Variants in LPO observed in about 807,000 individuals in gnomAD.
LPO encodes salivary peroxidase.
In LPO, 70 loss-of-function variants were observed where a neutral mutation model predicts 68.4. The ratio of observed to expected loss-of-function variants is 1.02; its 90% CI spans 0.84 to 1.25. The LOEUF is 1.25. LPO is among the 50% of genes most tolerant of loss of function. The pLI, the probability that LPO is intolerant of heterozygous loss-of-function variation, is 0.00. For synonymous variants in LPO, 360 were observed against 357.6 expected, an observed-to-expected ratio of 1.01 and a Z score of -0.08; for missense variants, 873 against 908.4, an observed-to-expected ratio of 0.96 and a Z score of 0.50.
chr17:58,265,496 C>T (rs1198592290), intron 10 of LPO, among the ~76,000 whole-genome samples: 1 of 151,542 alleles, frequency 6.6e-6, no homozygotes, highest in Non-Finnish European at 1.5e-5. Context: ...TATGCAACCT[C>T]TTCCCATTAT....
Position 58,268,190 on chromosome 17 carries a change from C to T in LPO, c.*196C>T, listed in dbSNP as rs950015918. 1.7e-5 allele frequency: 10 copies of T among 593,878 alleles called. No individual in the cohort carries two copies. The highest frequency in any genetic ancestry group is 1.7e-4 in the African/African-American group (9 of 53,670). 36.8% of individuals were successfully genotyped at this position (593,878 alleles called of 1,614,324 possible). ...CCCTCCCAGCTCTTACACTCAGCTC[C>T]AGTGGCTTCTCCTTTCTGTCAAGAC... On this transcript the variant is annotated 3_prime_UTR_variant, in exon 13 of 13. Transcript: ENST00000262290.
chr17:58,241,546 G>A (rs1437740656), intron 1 of LPO, among the ~76,000 whole-genome samples: 1 of 152,152 alleles, frequency 6.6e-6, no homozygotes, highest in Non-Finnish European at 1.5e-5. Context: ...TGCAAAATAT[G>A]GTGACAGAGG....
chr17:58,239,680 G>A (rs1969719169), intron 1 of LPO, among the ~76,000 whole-genome samples: 2 of 152,022 alleles, frequency 1.3e-5, no homozygotes, highest in South Asian at 4.1e-4. Flanking sequence ...ACTGCTCAGC[G>A]ACATTGAGAA....
Position 58,252,452 on chromosome 17 carries a change from C to G in LPO, c.1051C>G (p.Pro351Ala), listed in dbSNP as rs751513712. ...LPYLPYDSKKPSPCEFINTTA... is the reference protein window; with the variant it reads ...LPYLPYDSKKASPCEFINTTA... ...CTACCTGCCCTATGACAGCAAGAAGCCAAGCCCCTGTGAGTTCATCAACAC... is the reference window on the plus strand; with the variant it reads ...CTACCTGCCCTATGACAGCAAGAAGGCAAGCCCCTGTGAGTTCATCAACAC... The change falls in exon 8 of 13, where the codon CCA (proline) becomes GCA (alanine). Residue 351 changes from proline (P) to alanine (A), a missense_variant. Transcript: ENST00000262290. The G allele has an allele frequency of 1.2e-6, 2 of 1,614,062 alleles. No individual in the cohort carries two copies. Among genetic ancestry groups the G allele is most frequent in the Non-Finnish European group, 1.7e-6 (2 of 1,180,036 alleles).
intron 1 of LPO, among the ~76,000 whole-genome samples, chr17:58,242,500 T>A (rs145350985): frequency 1.3e-5 from 2 of 152,226 alleles, no homozygotes; most frequent in African/African-American, 2.4e-5. Context: ...CAATGCATCC[T>A]GCAGGGAAGG....
chr17:58,250,568 A>T lies in LPO; in HGVS notation c.727A>T (p.Lys243Ter). 6.2e-7 allele frequency: 1 copy of T among 1,614,146 alleles called. No homozygotes were observed. Among genetic ancestry groups the T allele is most frequent in the Non-Finnish European group, 8.5e-7 (1 of 1,180,014 alleles). The change falls in exon 7 of 13, where the codon AAA (lysine) becomes TAA (stop). Residue 243 changes from lysine to a stop codon, truncating the protein, a stop_gained. Transcript: ENST00000262290. LOFTEE classifies it high-confidence loss of function. The part of the protein sequence containing the change: ...DTELGSSEYS[K>*]AQCDEYCIQG... The stretch of plus-strand genomic sequence containing the variant: ...CGAGCTGGGGAGTAGCGAGTACTCC[A>T]AAGCCCAGTGTGATGAGTACTGTAT...
chr17:58,252,296 G>C lies in LPO; in HGVS notation c.895G>C (p.Ala299Pro). ...GTCCCTGGCCCGAGAGCAGATCAAC[G>C]CTCTGACCTCCTTCCTGGATGCCAG... Reference protein sequence around the residue: ...YKSLAREQINALTSFLDASFV... With the variant: ...YKSLAREQINPLTSFLDASFV... The change falls in exon 8 of 13, where the codon GCT becomes CCT. Residue 299 changes from alanine to proline, a missense_variant. Transcript: ENST00000262290. 6.2e-7 allele frequency: 1 copy of C among 1,614,144 alleles called. No individual in the cohort carries two copies. Among genetic ancestry groups the C allele is most frequent in the South Asian group, 1.1e-5 (1 of 91,078 alleles).
intron 3 of LPO, 141 bp downstream of exon 3, chr17:58,244,222 C>T (rs1171932476): frequency 1.0e-5 from 7 of 678,008 alleles, no homozygotes; most frequent in South Asian, 8.6e-5. Context: ...CTTACCCTTC[C>T]ATCCTCCTAG....
chr17:58,266,316 T>G lies in LPO; in HGVS notation c.1683T>G (p.His561Gln). Residue 561 changes from histidine (H) to glutamine (Q), a missense_variant, in exon 11 of 13, where the codon CAT becomes CAG. His to Gln is a conservative substitution (Grantham distance 24). Transcript: ENST00000262290. ...TCAACACACAGCGTTGCCGGGACCA[T>G]GGGCAACCTGGTGAGTGTCTGAAGT... The part of the protein sequence containing the change: ...AAINTQRCRD[H>Q]GQPGYNSWRA... 1 of 1,614,020 alleles carries G rather than the reference T, an allele frequency of 6.2e-7. No individual in the cohort carries two copies. The highest frequency in any genetic ancestry group is 8.5e-7 in the Non-Finnish European group (1 of 1,180,018).
At chr17:58,238,890 T>C (rs1343061868) in intron 1 of LPO, among the ~76,000 whole-genome samples, 151 bp downstream of exon 1, 2 of 152,126 alleles carry the variant, frequency 1.3e-5, no homozygotes, top group Non-Finnish European at 2.9e-5. Flanking sequence ...GGCACACTCC[T>C]CTTGTTTGGT....
chr17:58,262,046 A>C (rs1970183723), intron 9 of LPO, among the ~76,000 whole-genome samples: 1 of 152,232 alleles, frequency 6.6e-6, no homozygotes. Context: ...ATATAATGAA[A>C]AAATTCATGA....
chr17:58,261,556 G>A (rs1970176393), intron 9 of LPO, among the ~76,000 whole-genome samples: 1 of 151,088 alleles, frequency 6.6e-6, no homozygotes, highest in African/African-American at 2.4e-5. Context: ...AAAAAAAAAG[G>A]AAAAGAAATA....
At chr17:58,248,595 C>G (rs1969894842) in intron 4 of LPO, among the ~76,000 whole-genome samples, 1 of 152,164 alleles carries the variant, frequency 6.6e-6, no homozygotes, top group South Asian at 2.1e-4. Flanking sequence ...GAAAAATTAC[C>G]TGTCCCTTCC....
At chr17:58,244,150 C>T in intron 3 of LPO, 69 bp downstream of exon 3, 1 of 1,302,634 alleles carries the variant, frequency 7.7e-7, no homozygotes, top group South Asian at 1.2e-5. Context: ...CACAGGCTTC[C>T]TGTTCATGAC....
At chr17:58,261,740 A>G (rs1271893141) in intron 9 of LPO, among the ~76,000 whole-genome samples, 5 of 151,870 alleles carry the variant, frequency 3.3e-5, no homozygotes, top group African/African-American at 7.3e-5. Context: ...CTGTGGGTTA[A>G]TTGAACATTT....
intron 3 of LPO, chr17:58,244,306 G>A: frequency 5.3e-6 from 3 of 564,168 alleles, no homozygotes; most frequent in Non-Finnish European, 9.5e-6. Context: ...TCACCTGAAA[G>A]AGGACATCTA....
chr17:58,248,543 C>T (rs1446326794), intron 4 of LPO, among the ~76,000 whole-genome samples: 2 of 152,048 alleles, frequency 1.3e-5, no homozygotes, highest in Non-Finnish European at 2.9e-5. Flanking sequence ...TGCCTAAAGC[C>T]CCCCTACTCT....
intron 9 of LPO, among the ~76,000 whole-genome samples, chr17:58,263,770 T>G (rs562107542): frequency 1.3e-5 from 2 of 152,266 alleles, no homozygotes; most frequent in South Asian, 4.1e-4. Flanking sequence ...TAGCACATAG[T>G]TACCTTGTTT....
At chr17:58,255,258 G>T (rs1191600403) in intron 9 of LPO, among the ~76,000 whole-genome samples, 1 of 152,136 alleles carries the variant, frequency 6.6e-6, no homozygotes, top group Admixed American at 6.5e-5. Context: ...GGGACTGTAG[G>T]CTCCTTCACT....
Sources: allele counts gnomAD v4.1 joint callset (sites outside exome capture counted in the v4.1 genomes callset), GRCh38; gene constraint gnomAD v4.1.1; transcripts MANE v1.5; gene names NCBI Gene and HGNC (gene_info 2026-07-23, HGNC 2026-07-21).